The following WDR27 variants were observed in gnomAD, a reference collection of about 807,000 sequenced individuals.
WDR27 encodes the protein WD repeat-containing protein 27.
In WDR27, 100 loss-of-function variants were observed where a neutral mutation model predicts 114.4. The observed-to-expected ratio is 0.87, with a 90% CI of 0.74 to 1.03. The LOEUF (loss-of-function observed/expected upper bound fraction) is 1.03, where lower values mean the gene tolerates loss of function less well. Ranked by LOEUF, WDR27 falls within the 50% of genes least tolerant of loss-of-function variation. WDR27 has a pLI of 0.00. For synonymous variants in WDR27, 449 were observed against 423.1 expected (o/e 1.06, Z -0.75); for missense variants, 1,129 against 1,092.9 (o/e 1.03, Z -0.47).
At chr6:169,694,600 T>C (rs1163653128) in intron 1 of WDR27, among the ~76,000 whole-genome samples, 1 of 152,226 alleles carries the variant, frequency 6.6e-6, no homozygotes, top group Non-Finnish European at 1.5e-5. Flanking sequence ...TTACTTCATG[T>C]CTCAGAAGAG....
intron 2 of WDR27, among the ~76,000 whole-genome samples, chr6:169,683,889 G>A (rs1782216765): frequency 2.0e-5 from 3 of 152,194 alleles, no homozygotes; most frequent in Non-Finnish European, 4.4e-5. Flanking sequence ...CAGATTAGGA[G>A]CACGAAGTGT....
intron 24 of WDR27, among the ~76,000 whole-genome samples, chr6:169,577,663 C>T (rs1042144093): frequency 1.3e-5 from 2 of 152,228 alleles, no homozygotes; most frequent in Non-Finnish European, 2.9e-5. Context: ...CTCCCCACCA[C>T]GGAACTGCAG....
At chr6:169,528,551 G>C (rs1402699338) in intron 25 of WDR27, among the ~76,000 whole-genome samples, 1 of 152,164 alleles carries the variant, frequency 6.6e-6, no homozygotes, top group African/African-American at 2.4e-5. Context: ...CTTTGAGACA[G>C]AGTTTTGCTC....
In WDR27 at chr6:169,664,217, T is replaced by A; in HGVS notation, c.853A>T (p.Thr285Ser). The A allele has an allele frequency of 6.2e-7, 1 of 1,613,006 alleles. No individual in the cohort carries two copies. Among genetic ancestry groups the A allele is most frequent in the Non-Finnish European group, 8.5e-7 (1 of 1,179,306 alleles). ...RVARVDLRKK[T>S]ETFSTRRVKS... is the part of the protein sequence containing the mutation. The stretch of plus-strand genomic sequence containing the variant: ...ACCCTTCTTGTGGAGAAAGTCTCTG[T>A]CTTCTTCCTTAGGTCAACCCGTGCC... The change falls in exon 8 of 26, where the codon ACA (threonine) becomes TCA (serine). Residue 285 changes from threonine (T) to serine (S), a missense_variant. Physicochemically the swap from Thr to Ser is moderately conservative, Grantham distance 58. Coordinates refer to ENST00000448612, the MANE Select transcript of WDR27 (RefSeq NM_182552.5).
rs775268183 is a variant in WDR27 at position 169,667,096 on chromosome 6, C to G, written c.712+40G>C. 44 of 1,475,554 alleles carry G rather than the reference C, an allele frequency of 3.0e-5. No individual in the cohort carries two copies. In the South Asian group the frequency reaches 5.5e-4, roughly 19 times the overall value. 91.4% of individuals were successfully genotyped at this position (1,475,554 alleles called of 1,614,324 possible). On this transcript the variant is annotated intron_variant, in intron 6 of 25. Coordinates refer to ENST00000448612, the MANE Select transcript of WDR27 (RefSeq NM_182552.5). ...TATGCTCTAGAAAAAGTGGGTTACA[C>G]ACAACCTATTTACAGAAAACATGAA...
intron 25 of WDR27, among the ~76,000 whole-genome samples, chr6:169,492,407 A>T (rs1370598585): frequency 2.0e-5 from 3 of 152,162 alleles, no homozygotes; most frequent in Non-Finnish European, 4.4e-5. Context: ...TGTCTCATCA[A>T]ATCCAGAAAA....
chr6:169,607,426 ATAATAT>A (rs1393627281), intron 22 of WDR27, among the ~76,000 whole-genome samples: 9 of 11,422 alleles, frequency 7.9e-4, no homozygotes, highest in Middle Eastern at 0.17. Flanking sequence ...ACACACACAT[ATAATAT>A]AATATTATTC....
At position 169,651,946 on chromosome 6, in the gene WDR27, A is replaced by T. The variant is rs151173966; in HGVS notation, c.1465T>A (p.Tyr489Asn). The change falls in exon 14 of 26, where the codon TAT (tyrosine) becomes AAT (asparagine). Residue 489 changes from tyrosine to asparagine, a missense_variant. By Grantham distance (143) the Tyr-to-Asn change is moderately radical (BLOSUM62 -2). Transcript: ENST00000448612. Reference sequence around the variant, plus strand: ...TTCACTCACTGTGGTGCTGACGCATAACCAGATGACCTAACTTTACTATGG... The same window carrying T: ...TTCACTCACTGTGGTGCTGACGCATTACCAGATGACCTAACTTTACTATGG... ...VFHSKVRSSG[Y>N]ASAPHVTMFS... The T allele has an allele frequency of 2.7e-4, 441 of 1,613,840 alleles. 3 individuals are homozygous for T. The East Asian group carries it at 9.5e-3, about 35-fold the overall frequency.
At chr6:169,531,202 G>C (rs1306450217) in intron 25 of WDR27, among the ~76,000 whole-genome samples, 2 of 152,188 alleles carry the variant, frequency 1.3e-5, no homozygotes, top group African/African-American at 4.8e-5. Flanking sequence ...TAAGTGAATT[G>C]ATGCTGGTTT....
intron 25 of WDR27, among the ~76,000 whole-genome samples, chr6:169,479,738 G>T (rs1038752964): frequency 6.6e-6 from 1 of 152,150 alleles, no homozygotes; most frequent in Non-Finnish European, 1.5e-5. Flanking sequence ...TTAACTTCAG[G>T]TTACAAGTGC....
intron 17 of WDR27, among the ~76,000 whole-genome samples, chr6:169,639,088 C>T (rs1470299185): frequency 6.7e-6 from 1 of 148,646 alleles, no homozygotes; most frequent in Non-Finnish European, 1.5e-5. Context: ...GTGAACGCCT[C>T]GGCCAGGCAG....
intron 25 of WDR27, among the ~76,000 whole-genome samples, chr6:169,568,457 GC>G (rs1468833843): frequency 6.6e-6 from 1 of 152,228 alleles, no homozygotes; most frequent in East Asian, 1.9e-4. Context: ...AAGGACACAA[GC>G]TCACTCTTCA....
At chr6:169,547,052 C>T in intron 25 of WDR27, among the ~76,000 whole-genome samples, 1 of 152,136 alleles carries the variant, frequency 6.6e-6, no homozygotes, top group Non-Finnish European at 1.5e-5. Context: ...CTATAAACAA[C>T]TTTATGCCCA....
chr6:169,554,176 G>T (rs2982402), intron 25 of WDR27, among the ~76,000 whole-genome samples: 136,637 of 152,180 alleles, frequency 0.9, 61,866 homozygotes, highest in East Asian at 0.99. Flanking sequence ...GCTAGAAGCG[G>T]GTGGTCATGC....
intron 25 of WDR27, among the ~76,000 whole-genome samples, chr6:169,497,413 G>A (rs985134984): frequency 6.6e-6 from 1 of 152,038 alleles, no homozygotes; most frequent in African/African-American, 2.4e-5. Context: ...AGGCAAGTTG[G>A]ACTTCGTGAA....
In WDR27 at chr6:169,633,048, G is replaced by A. The variant is rs778868289; in HGVS notation, c.2122C>T (p.Arg708Trp). 1.8e-5 allele frequency: 28 copies of A among 1,585,710 alleles called. No homozygotes were observed. Among genetic ancestry groups the A allele is most frequent in the Middle Eastern group, 1.7e-4 (1 of 5,836 alleles). ...FYSHIVLAAGRNRTVEVFDLN... is the reference protein window; with the variant it reads ...FYSHIVLAAGWNRTVEVFDLN... Reference sequence around the variant, plus strand: ...TCAAACACTTCCACGGTCCTGTTCCGGCCAGCTGCGAGTACGATGTCTGCG... The same window carrying A: ...TCAAACACTTCCACGGTCCTGTTCCAGCCAGCTGCGAGTACGATGTCTGCG... Residue 708 changes from arginine (R) to tryptophan (W), a missense_variant, in exon 21 of 26, where the codon CGG (arginine) becomes TGG (tryptophan). Arg to Trp is a moderately radical substitution (Grantham distance 101, BLOSUM62 -3). Transcript: ENST00000448612.
chr6:169,511,642 A>T (rs1489781242), intron 25 of WDR27, among the ~76,000 whole-genome samples: 1 of 152,074 alleles, frequency 6.6e-6, no homozygotes, highest in Admixed American at 6.6e-5. Flanking sequence ...TAATATCCTC[A>T]GTTTTCCTTC....
chr6:169,617,529 C>T (rs375138334), intron 21 of WDR27, among the ~76,000 whole-genome samples: 2 of 152,180 alleles, frequency 1.3e-5, no homozygotes, highest in African/African-American at 4.8e-5. Flanking sequence ...GGTCATGCCA[C>T]CACACCCGGC....
chr6:169,635,254 G>A (rs987253798), intron 19 of WDR27, among the ~76,000 whole-genome samples: 2 of 151,970 alleles, frequency 1.3e-5, no homozygotes, highest in African/African-American at 4.8e-5. Flanking sequence ...GGGGGAAGGG[G>A]GGCGCCTGTA....
Sources: allele counts gnomAD v4.1 joint callset (sites outside exome capture counted in the v4.1 genomes callset), GRCh38; gene constraint gnomAD v4.1.1; transcripts MANE v1.5; gene names NCBI Gene and HGNC (gene_info 2026-07-23, HGNC 2026-07-21).